Variants in GALNT13 observed in about 807,000 individuals in gnomAD.
The protein encoded by GALNT13 is polypeptide N-acetylgalactosaminyltransferase 13.
GALNT13 carries 28 observed loss-of-function variants against 64.2 expected under a neutral mutation model. The ratio of observed to expected loss-of-function variants is 0.44; its 90% CI spans 0.32 to 0.60. The LOEUF is 0.60. Ranked by LOEUF, GALNT13 falls within the 20% of genes least tolerant of loss-of-function variation. The pLI, the probability that GALNT13 is intolerant of heterozygous loss-of-function variation, is 0.05. For synonymous variants in GALNT13, 214 were observed against 224.6 expected (o/e 0.95, Z 0.42); for missense variants, 577 against 669.8 (o/e 0.86, Z 1.53).
chr2:153,163,826 T>G, the GALNT13 span, among the ~76,000 whole-genome samples: 2 of 152,054 alleles, frequency 1.3e-5, no homozygotes, highest in East Asian at 1.9e-4. Context: ...GAGACCATCC[T>G]GGCTAACACG....
chr2:153,727,615 A>C, the GALNT13 span, among the ~76,000 whole-genome samples: 6 of 152,192 alleles, frequency 3.9e-5, no homozygotes, highest in African/African-American at 1.2e-4. Context: ...TCTATAGCCT[A>C]ACACTGGATA....
At chr2:153,102,819 A>G in the GALNT13 span, among the ~76,000 whole-genome samples, 1 of 152,168 alleles carries the variant, frequency 6.6e-6, no homozygotes, top group Admixed American at 6.6e-5. Flanking sequence ...AAAAGGTGCT[A>G]TGTAACATGA....
the GALNT13 span, among the ~76,000 whole-genome samples, chr2:153,095,951 G>A: frequency 6.6e-6 from 1 of 151,922 alleles, no homozygotes; most frequent in Admixed American, 6.6e-5. Flanking sequence ...TGAGTTAATG[G>A]GTGCAGCATA....
At chr2:153,984,337 G>A (rs1229995741) in intron 3 of GALNT13, among the ~76,000 whole-genome samples, 1 of 151,624 alleles carries the variant, frequency 6.6e-6, no homozygotes, top group Admixed American at 6.6e-5. Context: ...ACTTGTATTT[G>A]AAAGTGTATT....
the GALNT13 span, among the ~76,000 whole-genome samples, chr2:153,434,161 A>C: frequency 6.6e-6 from 1 of 152,172 alleles, no homozygotes; most frequent in South Asian, 2.1e-4. Context: ...ACATAAACTC[A>C]TCATTTTTTA....
the GALNT13 span, among the ~76,000 whole-genome samples, chr2:153,553,256 TG>T: frequency 6.6e-6 from 1 of 152,146 alleles, no homozygotes; most frequent in African/African-American, 2.4e-5. Flanking sequence ...CCCAGTCCTT[TG>T]GGAGGTTGAG....
intron 4 of GALNT13, among the ~76,000 whole-genome samples, chr2:154,231,051 AC>A (rs1421576844): frequency 1.3e-5 from 2 of 152,098 alleles, no homozygotes; most frequent in African/African-American, 4.8e-5. Context: ...CAGCTATCAC[AC>A]CACCACTGAG....
chr2:153,448,913 AAG>A, the GALNT13 span, among the ~76,000 whole-genome samples: 21 of 152,168 alleles, frequency 1.4e-4, no homozygotes, highest in Admixed American at 1.4e-3. Context: ...ACGAGGTCAT[AAG>A]AGTGGGGCCT....
At chr2:153,286,905 T>C in the GALNT13 span, among the ~76,000 whole-genome samples, 2 of 152,274 alleles carry the variant, frequency 1.3e-5, no homozygotes, top group South Asian at 2.1e-4. Flanking sequence ...TTTAAAATGA[T>C]TTAAAGCTGC....
At chr2:153,285,358 A>G in the GALNT13 span, among the ~76,000 whole-genome samples, 1 of 152,208 alleles carries the variant, frequency 6.6e-6, no homozygotes, top group Non-Finnish European at 1.5e-5. Context: ...ACATATACAT[A>G]CATACATTTA....
At chr2:153,438,251 C>A in the GALNT13 span, among the ~76,000 whole-genome samples, 2 of 152,132 alleles carry the variant, frequency 1.3e-5, no homozygotes, top group African/African-American at 4.8e-5. Context: ...CTCTGGCTGT[C>A]CTTAACATTT....
Position 154,060,512 on chromosome 2 carries a change from T to C in GALNT13, c.143-79825T>C, listed in dbSNP as rs181759330. On this transcript the variant is annotated intron_variant, in intron 3 of 12. Transcript: ENST00000392825. ...CTGGGACTAAGGGCACATGCCACTATGCCTGGCTAATTTTTGTGTTTTTAA... is the reference window on the plus strand; with the variant it reads ...CTGGGACTAAGGGCACATGCCACTACGCCTGGCTAATTTTTGTGTTTTTAA... Among the ~76,000 whole-genome samples the C allele has an allele frequency of 6.3e-3, 957 of 152,202 alleles. 5 individuals carry two copies. The highest frequency in any genetic ancestry group is 9.9e-3 in the Non-Finnish European group (673 of 68,002).
chr2:154,045,693 T>G (rs1166369460), intron 3 of GALNT13, among the ~76,000 whole-genome samples: 1 of 152,192 alleles, frequency 6.6e-6, no homozygotes, highest in Non-Finnish European at 1.5e-5. Flanking sequence ...TAGAGAAAAA[T>G]ACTGCCTTAG....
At chr2:153,811,258 G>A in the GALNT13 span, among the ~76,000 whole-genome samples, 1 of 152,140 alleles carries the variant, frequency 6.6e-6, no homozygotes, top group Non-Finnish European at 1.5e-5. Flanking sequence ...CATATTGTTG[G>A]ACAAAGTGGG....
chr2:153,199,146 G>A, the GALNT13 span, among the ~76,000 whole-genome samples: 3 of 152,198 alleles, frequency 2.0e-5, no homozygotes, highest in African/African-American at 7.2e-5. Flanking sequence ...GTCGGCCCTG[G>A]TTCTTGAAGG....
intron 3 of GALNT13, among the ~76,000 whole-genome samples, chr2:154,058,005 T>G (rs912906172): frequency 2.0e-5 from 3 of 152,226 alleles, no homozygotes; most frequent in African/African-American, 7.2e-5. Context: ...GATATTGTTA[T>G]GGACTGAATG....
the GALNT13 span, among the ~76,000 whole-genome samples, chr2:153,388,936 GA>G: frequency 2.6e-5 from 4 of 152,078 alleles, no homozygotes; most frequent in African/African-American, 7.2e-5. Context: ...TACTTGGAGA[GA>G]GTAGAAGTAG....
intron 4 of GALNT13, among the ~76,000 whole-genome samples, chr2:154,227,950 T>A (rs1454189397): frequency 1.3e-5 from 2 of 152,162 alleles, no homozygotes; most frequent in African/African-American, 4.8e-5. Context: ...GTAGTGGTAT[T>A]TCCATTTACA....
At chr2:154,216,362 T>A (rs1198333410) in intron 4 of GALNT13, among the ~76,000 whole-genome samples, 1 of 152,148 alleles carries the variant, frequency 6.6e-6, no homozygotes, top group Non-Finnish European at 1.5e-5. Flanking sequence ...CATGTTTCTA[T>A]ATACATCATT....
Sources: allele counts gnomAD v4.1 joint callset (sites outside exome capture counted in the v4.1 genomes callset), GRCh38; gene constraint gnomAD v4.1.1; transcripts MANE v1.5; gene names NCBI Gene and HGNC (gene_info 2026-07-23, HGNC 2026-07-21).